PTGIR: variants seen among roughly 807,000 people sequenced by gnomAD.
PTGIR encodes prostaglandin I2 receptor.
PTGIR carries 16 observed loss-of-function variants against 17.6 expected under a neutral mutation model. The observed-to-expected ratio is 0.91, with a 90% CI of 0.61 to 1.38. The LOEUF (loss-of-function observed/expected upper bound fraction) is 1.38, where lower values mean the gene tolerates loss of function less well. Ranked by LOEUF, PTGIR falls within the 40% of genes most tolerant of loss-of-function variation. The pLI is 0.00. For missense variants in PTGIR, 532 were observed against 548.6 expected, an observed-to-expected ratio of 0.97 and a Z score of 0.30; for synonymous variants, 274 against 255.4, an observed-to-expected ratio of 1.07 and a Z score of -0.69.
chr19:46,622,706 T>C (rs1179586120), intron 2 of PTGIR: 1 of 152,216 alleles, frequency 6.6e-6, no homozygotes, highest in East Asian at 1.9e-4. Context: ...GTTTTTGTTT[T>C]CTTTGTTTTT....
the PTGIR span, among the ~76,000 whole-genome samples, chr19:46,615,180 G>A: frequency 1.3e-5 from 2 of 152,130 alleles, no homozygotes; most frequent in African/African-American, 2.4e-5. Context: ...GCGAGACTCC[G>A]TCTCAAAAAA....
At position 46,620,611 on chromosome 19, in the gene PTGIR, AC is replaced by A. The variant is rs113952362; in HGVS notation, c.*668del. On this transcript the variant is annotated 3_prime_UTR_variant, in exon 3 of 3. Transcript: ENST00000291294. ...CTCCATCTGTCTCCCCACCACCTGC[AC>A]CCCCCCAGTTCTCATCTTGCAGCCA... The A allele has an allele frequency of 1.9e-5, 19 of 983,602 alleles. No individual in the cohort carries two copies. In the South Asian group the frequency reaches 5.7e-4, roughly 29 times the overall value. The allele number at this position is 983,602 out of a possible 1,614,324, so 60.9% of individuals were successfully genotyped here. A position where few individuals can be genotyped will look rare whatever the true frequency, so the allele number is the denominator to read the frequency against.
the PTGIR span, among the ~76,000 whole-genome samples, chr19:46,614,106 C>T: frequency 3.3e-5 from 5 of 152,210 alleles, no homozygotes; most frequent in Admixed American, 3.3e-4. Context: ...ATGCCTAGAC[C>T]GGGAGTCATT....
chr19:46,619,805 T>C (rs1387823577), downstream of PTGIR, among the ~76,000 whole-genome samples: 2 of 152,182 alleles, frequency 1.3e-5, no homozygotes, highest in Non-Finnish European at 2.9e-5. Context: ...GTGTGGATTT[T>C]TTGTTTTAAC....
At position 46,621,463 on chromosome 19, in the gene PTGIR, G is replaced by A. The variant is rs139011418; in HGVS notation, c.978C>T (p.Leu326=). The A allele has an allele frequency of 2.5e-5, 41 of 1,613,942 alleles. No individual in the cohort carries two copies. The highest frequency in any genetic ancestry group is 1.6e-4 in the Middle Eastern group (1 of 6,084). The change falls in exon 3 of 3, where the codon CTC becomes CTT. Residue 326 remains leucine, a synonymous_variant. Coordinates refer to ENST00000291294, the MANE Select transcript of PTGIR (RefSeq NM_000960.4). This position sits in a 1 kb window ranked among gnomAD's most constrained non-coding sequence, Gnocchi z 4.8. Reference sequence around the variant, plus strand: ...CCCTTGGGTCCCTCCTCCCTGAGGCGAGCTGGGAAAGGGGTGTCTGCGAGT... The same window carrying A: ...CCCTTGGGTCCCTCCTCCCTGAGGCAAGCTGGGAAAGGGGTGTCTGCGAGT... The part of the protein sequence containing the change: ...HGDSQTPLSQ[L]ASGRRDPRAP...
downstream of PTGIR, among the ~76,000 whole-genome samples, chr19:46,617,994 A>G (rs1284102375): frequency 1.4e-5 from 2 of 148,054 alleles, no homozygotes; most frequent in African/African-American, 5.0e-5. Context: ...GTGCGCTACC[A>G]CACCTGGCTA....
the PTGIR span, among the ~76,000 whole-genome samples, chr19:46,613,732 C>A: frequency 6.6e-6 from 1 of 152,210 alleles, no homozygotes; most frequent in Non-Finnish European, 1.5e-5. Flanking sequence ...CCTGCCCAGG[C>A]TTGCCGGCAG....
intron 2 of PTGIR, chr19:46,622,091 A>AC (rs1197511652): frequency 9.1e-6 from 9 of 985,072 alleles, no homozygotes; most frequent in Non-Finnish European, 1.1e-5. Flanking sequence ...AGATTTAAGG[A>AC]CCCCCCAATC....
the PTGIR span, among the ~76,000 whole-genome samples, chr19:46,614,640 G>C: frequency 2.0e-5 from 3 of 152,038 alleles, no homozygotes; most frequent in Non-Finnish European, 4.4e-5. Flanking sequence ...ACTTTGGGAG[G>C]CTGAGGTAGG....
At chr19:46,614,505 G>T in the PTGIR span, 250 of 888,156 alleles carry the variant, frequency 2.8e-4, 3 homozygotes, top group Non-Finnish European at 9.4e-5. Flanking sequence ...CACTTCCTGA[G>T]CCCCACCCCA....
the PTGIR span, chr19:46,614,510 AC>A: frequency 1.2e-6 from 1 of 852,648 alleles, no homozygotes; most frequent in Non-Finnish European, 1.4e-6. Flanking sequence ...CCTGAGCCCC[AC>A]CCCAGACTAG....
Position 46,623,542 on chromosome 19 carries a change from C to A in PTGIR, c.684G>T (p.Pro228=). 6.4e-7 allele frequency: 1 copy of A among 1,558,690 alleles called. No homozygotes were observed. Among genetic ancestry groups the A allele is most frequent in the South Asian group, 1.2e-5 (1 of 84,568 alleles). ...KRHQGSLGPR[P]RTGEDEVDHL... ...GGTCCACCTCGTCCTCTCCGGTGCG[C>A]GGCCGTGGACCCAGAGAGCCCTGGT... The change falls in exon 2 of 3, where the codon CCG becomes CCT. Residue 228 remains proline, a synonymous_variant. Coordinates refer to ENST00000291294, the MANE Select transcript of PTGIR (RefSeq NM_000960.4).
intron 2 of PTGIR, chr19:46,623,150 T>TTTTA (rs1271366838): frequency 9.8e-6 from 2 of 203,496 alleles, no homozygotes; most frequent in East Asian, 2.4e-4. Context: ...TCCGGCTACT[T>TTTTA]TTTATTTATT....
rs867260973 is a variant in PTGIR at position 46,620,600 on chromosome 19, C to G, written c.*680G>C. 1 of 980,622 alleles carries G rather than the reference C, an allele frequency of 1.0e-6. No individual in the cohort carries two copies. Among genetic ancestry groups the G allele is most frequent in the South Asian group, 4.7e-5 (1 of 21,170 alleles). 60.7% of individuals were successfully genotyped at this position (980,622 alleles called of 1,614,324 possible). The stretch of plus-strand genomic sequence containing the variant: ...TCTGCCAGCTTCTCCATCTGTCTCC[C>G]CACCACCTGCACCCCCCCAGTTCTC... On this transcript the variant is annotated 3_prime_UTR_variant, in exon 3 of 3. Coordinates refer to ENST00000291294, the MANE Select transcript of PTGIR (RefSeq NM_000960.4).
the PTGIR span, chr19:46,614,437 AAAAG>A: frequency 2.0e-6 from 2 of 985,318 alleles, no homozygotes; most frequent in Non-Finnish European, 2.4e-6. Context: ...GGAATGAATA[AAAAG>A]AAAGAAATCG....
At chr19:46,616,325 G>GTTTT (rs1971961786), downstream of PTGIR, among the ~76,000 whole-genome samples, 7 of 81,658 alleles carry the variant, frequency 8.6e-5, no homozygotes, top group African/African-American at 1.2e-4. Flanking sequence ...CGACAGAAAT[G>GTTTT]CTTTTTTTTT....
At position 46,623,870 on chromosome 19, in the gene PTGIR, A is replaced by T; in HGVS notation, c.356T>A (p.Leu119Gln). Residue 119 changes from leucine to glutamine, a missense_variant, in exon 2 of 3, where the codon CTG (leucine) becomes CAG (glutamine). Physicochemically the swap from Leu to Gln is moderately radical, Grantham distance 113. Coordinates refer to ENST00000291294, the MANE Select transcript of PTGIR (RefSeq NM_000960.4). ...GTAGAGGTAGGGGTGGCTCAGCGCC[A>T]GGCAGCGCTCCACGGCCATGGCAAA... ...ILFAMAVERCLALSHPYLYAQ... is the reference protein window; with the variant it reads ...ILFAMAVERCQALSHPYLYAQ... 1 of 1,610,426 alleles carries T rather than the reference A, an allele frequency of 6.2e-7. No homozygotes were observed. The highest frequency in any genetic ancestry group is 8.5e-7 in the Non-Finnish European group (1 of 1,178,734).
chr19:46,624,466 T>C (rs2122361268), intron 1 of PTGIR: 1 of 432,436 alleles, frequency 2.3e-6, no homozygotes, highest in African/African-American at 2.1e-5. Context: ...TTTCTTTCGT[T>C]TCTTTTGAGA....
In PTGIR at chr19:46,621,698, G is replaced by C. The variant is rs377507438; in HGVS notation, c.769-26C>G. ...CTGAGGGCAGGGTGAGGGCGTCAAG[G>C]AGCACCCAGGAGTCCTCAGCCTCCC... On this transcript the variant is annotated intron_variant, in intron 2 of 2. Coordinates refer to ENST00000291294, the MANE Select transcript of PTGIR (RefSeq NM_000960.4). The surrounding 1 kb of genome is among the most constrained non-coding windows in gnomAD (Gnocchi z 4.8). 3.8e-6 allele frequency: 6 copies of C among 1,586,944 alleles called. No individual in the cohort carries two copies. The highest frequency in any genetic ancestry group is 5.2e-6 in the Non-Finnish European group (6 of 1,164,098).
Sources: gnomAD v4.1 joint callset for allele counts (sites outside exome capture counted in the v4.1 genomes callset) on GRCh38, gnomAD v4.1.1 for gene constraint, Gnocchi (gnomAD v3.1) non-coding constraint, MANE v1.5 for transcripts, NCBI Gene and HGNC (gene_info 2026-07-23, HGNC 2026-07-21) for gene names.